Variants in SH2D4B observed in about 807,000 individuals in gnomAD.
SH2D4B encodes SH2 domain-containing protein 4B.
Under a neutral mutation model 61.5 loss-of-function variants are expected in SH2D4B, and 45 were observed. The observed-to-expected ratio is 0.73, with a 90% CI of 0.58 to 0.94. The LOEUF is 0.94. Among genes scored for constraint, SH2D4B ranks in the 40% least tolerant of loss-of-function variants. The pLI is 0.00. For synonymous variants in SH2D4B, 224 were observed against 220.4 expected (o/e 1.02, Z -0.14); for missense variants, 572 against 574.2 (o/e 1.00, Z 0.04).
intron 3 of SH2D4B, among the ~76,000 whole-genome samples, chr10:80,578,328 C>CT (rs1205418786): frequency 1.3e-5 from 2 of 152,042 alleles, no homozygotes; most frequent in South Asian, 2.1e-4. Flanking sequence ...TTAATACTCT[C>CT]TTTTTTTCCT....
chr10:80,567,499 C>G (rs560765903), intron 1 of SH2D4B, among the ~76,000 whole-genome samples: 7 of 152,334 alleles, frequency 4.6e-5, no homozygotes, highest in African/African-American at 1.7e-4. Flanking sequence ...GGGTTCTGCA[C>G]TGGTCTCTAT....
chr10:80,634,536 AG>A (rs141264608), intron 7 of SH2D4B, 31 bp downstream of exon 7: 18,311 of 1,543,146 alleles, frequency 0.012, 541 homozygotes, highest in African/African-American at 0.12. Flanking sequence ...AATGGGGGGG[AG>A]GGGGAACTGG....
Position 80,646,526 on chromosome 10 carries a change from T to C in SH2D4B, c.*2441T>C, listed in dbSNP as rs1159202523. Reference sequence around the variant, plus strand: ...GAAAACTGCAATTTCATCTTGAGAGTTTTATTATGCTAATAAATGTCAGGA... The same window carrying C: ...GAAAACTGCAATTTCATCTTGAGAGCTTTATTATGCTAATAAATGTCAGGA... On this transcript the variant is annotated 3_prime_UTR_variant, in exon 8 of 8. Coordinates refer to ENST00000646907, the MANE Select transcript of SH2D4B (RefSeq NM_001388272.1). The C allele has an allele frequency of 6.6e-6, 1 of 152,138 alleles. No individual in the cohort carries two copies. The highest frequency in any genetic ancestry group is 1.5e-5 in the Non-Finnish European group (1 of 68,024). The allele number at this position is 152,138 out of a possible 1,614,324, so 9.4% of individuals were successfully genotyped here.
chr10:80,632,620 C>G (rs576999400), intron 6 of SH2D4B, among the ~76,000 whole-genome samples: 1 of 152,184 alleles, frequency 6.6e-6, no homozygotes, highest in East Asian at 2.0e-4. Flanking sequence ...CGTCTGGCCC[C>G]CCTTACTTAT....
At chr10:80,585,981 GC>G (rs1842241955) in intron 3 of SH2D4B, among the ~76,000 whole-genome samples, 1 of 152,262 alleles carries the variant, frequency 6.6e-6, no homozygotes, top group East Asian at 1.9e-4. Flanking sequence ...CGTCGAGCCG[GC>G]CCCGCCAGCC....
At position 80,625,986 on chromosome 10, in the gene SH2D4B, C is replaced by CA. The variant is rs372884340; in HGVS notation, c.989-8299_989-8298insA. Among the ~76,000 whole-genome samples the CA allele has an allele frequency of 4.4e-3, 672 of 152,328 alleles. 1 individual carries two copies. The highest frequency in any genetic ancestry group is 6.9e-3 in the Non-Finnish European group (470 of 68,026). ...TCTCACCCTAAACAAAATTTTGAAA[C>CA]TCCTACTCCCTACTGCTAAGATATT... On this transcript the variant is annotated intron_variant, in intron 6 of 7. Coordinates refer to ENST00000646907, the MANE Select transcript of SH2D4B (RefSeq NM_001388272.1).
rs190507130 is a variant in SH2D4B, at chr10:80,578,000, C to T, written c.495+6422C>T. 1.6e-3 allele frequency among the ~76,000 whole-genome samples: 238 copies of T among 151,156 alleles called. 3 individuals are homozygous for T. The highest frequency in any genetic ancestry group is 0.013 in the Admixed American group (203 of 15,190). On this transcript the variant is annotated intron_variant, in intron 3 of 7. Coordinates refer to ENST00000646907, the MANE Select transcript of SH2D4B (RefSeq NM_001388272.1). ...TCTTTTTTTTTTTCGAGACAGGGTC[C>T]GGCTCTGTTACCCAGGCCAGAGTGC...
At chr10:80,642,120 C>G (rs1217276108) in intron 7 of SH2D4B, among the ~76,000 whole-genome samples, 1 of 152,094 alleles carries the variant, frequency 6.6e-6, no homozygotes, top group Non-Finnish European at 1.5e-5. Flanking sequence ...GAGACAAGGT[C>G]TTACTCTGTT....
intron 4 of SH2D4B, among the ~76,000 whole-genome samples, chr10:80,595,652 A>G (rs17107222): frequency 0.14 from 20,826 of 152,108 alleles, 1,700 homozygotes; most frequent in East Asian, 0.31. Flanking sequence ...CTTTGAATCA[A>G]TGAAAGCCTA....
intron 3 of SH2D4B, among the ~76,000 whole-genome samples, 187 bp downstream of exon 3, chr10:80,571,765 CT>C (rs368517502): frequency 6.3e-5 from 9 of 143,364 alleles, no homozygotes; most frequent in South Asian, 2.2e-4. Context: ...ACTTCTGTTT[CT>C]TTTTTTTTTC....
Position 80,646,025 on chromosome 10 carries a change from G to A in SH2D4B, c.*1940G>A, listed in dbSNP as rs761249640. 1.3e-5 allele frequency: 2 copies of A among 152,484 alleles called. No homozygotes were observed. Among genetic ancestry groups the A allele is most frequent in the Non-Finnish European group, 2.9e-5 (2 of 68,028 alleles). 9.4% of individuals were successfully genotyped at this position (152,484 alleles called of 1,614,324 possible). A position where few individuals can be genotyped will look rare whatever the true frequency, so the allele number is the denominator to read the frequency against. Reference sequence around the variant, plus strand: ...TTACCAACTATGTGACTTTGTCCAAGTCATTTAACTTCAGTAAACCTCGGT... The same window carrying A: ...TTACCAACTATGTGACTTTGTCCAAATCATTTAACTTCAGTAAACCTCGGT... On this transcript the variant is annotated 3_prime_UTR_variant, in exon 8 of 8. Transcript: ENST00000646907.
At chr10:80,625,241 C>T (rs1231885454) in intron 6 of SH2D4B, among the ~76,000 whole-genome samples, 2 of 152,068 alleles carry the variant, frequency 1.3e-5, no homozygotes, top group African/African-American at 4.8e-5. Context: ...CAATGTCTAT[C>T]TTCCAGTGGT....
chr10:80,640,203 C>T (rs1840265984), intron 7 of SH2D4B, among the ~76,000 whole-genome samples: 1 of 152,214 alleles, frequency 6.6e-6, no homozygotes, highest in African/African-American at 2.4e-5. Flanking sequence ...CGACCTTTCT[C>T]TCCCGCTGCC....
At chr10:80,624,332 G>A (rs146746149) in intron 6 of SH2D4B, among the ~76,000 whole-genome samples, 25 of 152,304 alleles carry the variant, frequency 1.6e-4, no homozygotes, top group Non-Finnish European at 2.6e-4. Flanking sequence ...AGGGATTAAG[G>A]ACAGCTCCTC....
intron 4 of SH2D4B, among the ~76,000 whole-genome samples, chr10:80,599,179 A>G (rs1184008560): frequency 6.6e-6 from 1 of 152,116 alleles, no homozygotes; most frequent in Admixed American, 6.6e-5. Context: ...AAAATGCTGT[A>G]GGCTTGAGAC....
intron 1 of SH2D4B, among the ~76,000 whole-genome samples, chr10:80,541,287 C>T (rs1415285162): frequency 3.4e-4 from 51 of 152,222 alleles, no homozygotes; most frequent in Non-Finnish European, 2.9e-5. Context: ...TTTTTACTCT[C>T]TTCCTTTGGG....
At chr10:80,593,587 G>T (rs866562001) in intron 4 of SH2D4B, among the ~76,000 whole-genome samples, 166 of 152,228 alleles carry the variant, frequency 1.1e-3, no homozygotes, top group African/African-American at 3.7e-3. Flanking sequence ...TAGCTGGAAT[G>T]TATCTTTTTG....
chr10:80,630,636 C>T (rs1243259279), intron 6 of SH2D4B, among the ~76,000 whole-genome samples: 1 of 152,190 alleles, frequency 6.6e-6, no homozygotes, highest in Non-Finnish European at 1.5e-5. Context: ...GGTTTTGGCC[C>T]AGAGAGGCAC....
chr10:80,591,809 T>G (rs1842331113), intron 4 of SH2D4B, among the ~76,000 whole-genome samples: 1 of 152,124 alleles, frequency 6.6e-6, no homozygotes, highest in South Asian at 2.1e-4. Context: ...CCAAACTGGC[T>G]TTTATACAGG....
Sources: gnomAD v4.1 joint callset for allele counts (sites outside exome capture counted in the v4.1 genomes callset) on GRCh38, gnomAD v4.1.1 for gene constraint, MANE v1.5 for transcripts, NCBI Gene and HGNC (gene_info 2026-07-23, HGNC 2026-07-21) for gene names.